Variants in IGLL1 observed in about 807,000 individuals in gnomAD.
IGLL1 encodes the protein immunoglobulin lambda like polypeptide 1.
In IGLL1, 10 loss-of-function variants were observed where a neutral mutation model predicts 10.5. That is an observed-to-expected ratio of 0.95 (90% CI 0.59 to 1.62). IGLL1 has a LOEUF of 1.62. Among genes scored for constraint, IGLL1 ranks in the 40% most tolerant of loss-of-function variants. The pLI is 0.00. For synonymous variants in IGLL1, 141 were observed against 122.7 expected (o/e 1.15, Z -0.99); for missense variants, 284 against 278.7 (o/e 1.02, Z -0.14).
chr22:23,577,793 A>T (rs1268508119), intron 1 of IGLL1, among the ~76,000 whole-genome samples: 2 of 152,096 alleles, frequency 1.3e-5, no homozygotes, highest in Non-Finnish European at 2.9e-5. Flanking sequence ...TCAGCCTCCC[A>T]AAGTTGTGGG....
rs530821067 is a variant in IGLL1, at chr22:23,573,323, C to A, written c.585G>T (p.Gln195His). 42 of 1,614,128 alleles carry A rather than the reference C, an allele frequency of 2.6e-5. No individual in the cohort carries two copies. The East Asian group carries it at 7.1e-4, about 27-fold the overall frequency. Residue 195 changes from glutamine to histidine, a missense_variant, in exon 3 of 3, where the codon CAG becomes CAT. Gln to His is a conservative substitution (Grantham distance 24). Transcript: ENST00000330377. ...CCACGGTGCTCCCTTCGTGCATGAC[C>A]TGGCAGCTGTAGCTTCTGCGGGACC... The part of the protein sequence containing the change: ...QWRSRRSYSC[Q>H]VMHEGSTVEK...
chr22:23,577,212 G>C (rs1158335235), intron 1 of IGLL1, among the ~76,000 whole-genome samples: 1 of 152,128 alleles, frequency 6.6e-6, no homozygotes, highest in African/African-American at 2.4e-5. Context: ...AGGGGTTCAA[G>C]ACCAGCCCAG....
chr22:23,573,256 G>C lies in IGLL1; in HGVS notation c.*10C>G, dbSNP rs770502019. 1.2e-6 allele frequency: 2 copies of C among 1,613,626 alleles called. No individual in the cohort carries two copies. Among genetic ancestry groups the C allele is most frequent in the Non-Finnish European group, 1.7e-6 (2 of 1,179,774 alleles). ...TCCAGGCCCCTTTGGGTGGGGTCGG[G>C]GCTGGGAACCTATGAACATTCTGCA... is the stretch of plus-strand genomic sequence containing the variant. On this transcript the variant is annotated 3_prime_UTR_variant, in exon 3 of 3. Transcript: ENST00000330377.
intron 2 of IGLL1, among the ~76,000 whole-genome samples, chr22:23,574,131 G>C (rs1310377942): frequency 2.1e-5 from 3 of 142,796 alleles, no homozygotes; most frequent in Non-Finnish European, 4.4e-5. Context: ...ACATCGGCTG[G>C]GTTCTTGGGG....
rs1602289238 is a variant in IGLL1, at chr22:23,575,056, G to A, written c.233C>T (p.Thr78Ile). 2.5e-6 allele frequency: 4 copies of A among 1,614,052 alleles called. No homozygotes were observed. The highest frequency in any genetic ancestry group is 1.1e-5 in the South Asian group (1 of 91,080). ...CCCCCGGGGCCAGCACCTGGGGCCA[G>A]TCCAGGAGCCGCGCTGGAGCAGGAA... ...GRFLLQRGSW[T>I]GPRCWPRGFQ... Residue 78 changes from threonine to isoleucine, a missense_variant, in exon 2 of 3, where the codon ACT becomes ATT. Coordinates refer to ENST00000330377, the MANE Select transcript of IGLL1 (RefSeq NM_020070.4).
rs1264276181 is a variant in IGLL1 at position 23,573,316 on chromosome 22, G to T, written c.592C>A (p.His198Asn). The T allele has an allele frequency of 6.2e-7, 1 of 1,613,970 alleles. No individual in the cohort carries two copies. Among genetic ancestry groups the T allele is most frequent in the Non-Finnish European group, 8.5e-7 (1 of 1,180,022 alleles). Residue 198 changes from histidine (H) to asparagine (N), a missense_variant, in exon 3 of 3, where the codon CAC (histidine) becomes AAC (asparagine). Transcript: ENST00000330377. ...SRRSYSCQVM[H>N]EGSTVEKTVA... Reference sequence around the variant, plus strand: ...GTCTTCTCCACGGTGCTCCCTTCGTGCATGACCTGGCAGCTGTAGCTTCTG... The same window carrying T: ...GTCTTCTCCACGGTGCTCCCTTCGTTCATGACCTGGCAGCTGTAGCTTCTG...
intron 1 of IGLL1, among the ~76,000 whole-genome samples, chr22:23,578,725 TG>T (rs1187866410): frequency 1.3e-5 from 2 of 151,916 alleles, no homozygotes; most frequent in Admixed American, 6.6e-5. Flanking sequence ...GAGGCTGAGG[TG>T]GGTGGATCAC....
In IGLL1 at chr22:23,580,170, C is replaced by T. The variant is rs1044209410; in HGVS notation, c.21G>A (p.Gln7=). ...GCTCACCAGGGGCCTCAAGGCCCCC[C>T]TGGCCTGTCCCTGGCCTCATCGGCC... MRPGTG[Q]GGLEAPGEPG... The change falls in exon 1 of 3, where the codon CAG becomes CAA. Residue 7 remains glutamine (Q), a synonymous_variant. Transcript: ENST00000330377. 6 of 1,543,616 alleles carry T rather than the reference C, an allele frequency of 3.9e-6. No homozygotes were observed. The highest frequency in any genetic ancestry group is 4.4e-6 in the Non-Finnish European group (5 of 1,148,144).
chr22:23,577,876 C>G (rs1296315973), intron 1 of IGLL1, among the ~76,000 whole-genome samples: 1 of 148,268 alleles, frequency 6.7e-6, no homozygotes, highest in African/African-American at 2.5e-5. Context: ...TCATATCCCC[C>G]CCAGCATAAT....
Position 23,573,218 on chromosome 22 carries a change from G to C in IGLL1, c.*48C>G. ...GGATGCAGAGAGAGACCCTTCCCCT[G>C]GGATCCTGCAGCTCCAGGCCCCTTT... On this transcript the variant is annotated 3_prime_UTR_variant, in exon 3 of 3. Coordinates refer to ENST00000330377, the MANE Select transcript of IGLL1 (RefSeq NM_020070.4). The C allele has an allele frequency of 6.3e-7, 1 of 1,578,524 alleles. No individual in the cohort carries two copies. Among genetic ancestry groups the C allele is most frequent in the East Asian group, 2.2e-5 (1 of 44,704 alleles).
chr22:23,577,453 A>ATTT (rs1217116593), intron 1 of IGLL1, among the ~76,000 whole-genome samples: 1 of 152,132 alleles, frequency 6.6e-6, no homozygotes, highest in East Asian at 1.9e-4. Context: ...AACAATGAAA[A>ATTT]TATCTTTTAA....
chr22:23,574,435 C>T (rs767424700), intron 2 of IGLL1, among the ~76,000 whole-genome samples: 5 of 151,838 alleles, frequency 3.3e-5, no homozygotes, highest in South Asian at 2.1e-4. Flanking sequence ...GGACCTCATC[C>T]GTTCCTCTGT....
Position 23,573,493 on chromosome 22 carries a change from C to T in IGLL1, c.415G>A (p.Asp139Asn), listed in dbSNP as rs374565313. 151 of 1,613,844 alleles carry T rather than the reference C, an allele frequency of 9.4e-5. No individual in the cohort carries two copies. The highest frequency in any genetic ancestry group is 5.0e-4 in the Middle Eastern group (3 of 6,052). Residue 139 changes from aspartate to asparagine, a missense_variant, in exon 3 of 3, where the codon GAC (aspartate) becomes AAC (asparagine). Asp to Asn is a conservative substitution (Grantham distance 23, BLOSUM62 1). Transcript: ENST00000330377. ...NKATLVCLMN[D>N]FYPGILTVTW... ...ACCGTCAAGATTCCCGGATAAAAGT[C>T]ATTCATGAGACACACCAGTGTAGCC...
intron 1 of IGLL1, 52 bp downstream of exon 1, chr22:23,579,933 C>T: frequency 2.0e-6 from 3 of 1,486,628 alleles, no homozygotes; most frequent in Non-Finnish European, 2.7e-6. Context: ...GTCATCCTTT[C>T]CCGCCTCTGC....
chr22:23,576,646 G>A (rs1602290952), intron 1 of IGLL1, among the ~76,000 whole-genome samples: 1 of 152,098 alleles, frequency 6.6e-6, no homozygotes, highest in Non-Finnish European at 1.5e-5. Context: ...TTGTCAGGCT[G>A]GTCTCGAACT....
At chr22:23,578,217 A>G (rs919080994) in intron 1 of IGLL1, among the ~76,000 whole-genome samples, 1 of 152,174 alleles carries the variant, frequency 6.6e-6, no homozygotes, top group East Asian at 1.9e-4. Context: ...AGATTCTAAT[A>G]TAAAAACTTA....
chr22:23,575,710 G>A (rs567282778), intron 1 of IGLL1, among the ~76,000 whole-genome samples: 1 of 152,188 alleles, frequency 6.6e-6, no homozygotes. Context: ...CTGTGTGCTG[G>A]GGACATGGTG....
At position 23,575,103 on chromosome 22, in the gene IGLL1, A is replaced by G. The variant is rs770515548; in HGVS notation, c.207-21T>C. 23 of 1,557,194 alleles carry G rather than the reference A, an allele frequency of 1.5e-5. No individual in the cohort carries two copies. In the South Asian group the frequency reaches 1.8e-4, roughly 12 times the overall value. Reference sequence around the variant, plus strand: ...GGAACCTGCTGGGAGTGAGGGGCACAGGGCTGCAGTGTGTAGGCTGTGACC... The same window carrying G: ...GGAACCTGCTGGGAGTGAGGGGCACGGGGCTGCAGTGTGTAGGCTGTGACC... On this transcript the variant is annotated intron_variant, in intron 1 of 2. Transcript: ENST00000330377.
intron 1 of IGLL1, 150 bp from the exon 2 acceptor site, chr22:23,575,232 C>G: frequency 1.4e-6 from 1 of 736,044 alleles, no homozygotes. Flanking sequence ...CGTGTGTCCC[C>G]CTCTCTGAAA....
Sources: gnomAD v4.1 joint callset for allele counts (sites outside exome capture counted in the v4.1 genomes callset) on GRCh38, gnomAD v4.1.1 for gene constraint, MANE v1.5 for transcripts, NCBI Gene and HGNC (gene_info 2026-07-23, HGNC 2026-07-21) for gene names.